CRNKL1: variants seen among roughly 807,000 people sequenced by gnomAD.
CRNKL1 encodes the protein crooked neck-like protein 1.
CRNKL1 carries 35 observed loss-of-function variants against 103.7 expected under a neutral mutation model. The ratio of observed to expected loss-of-function variants is 0.34; its 90% CI spans 0.26 to 0.45. The LOEUF is 0.45. Among genes scored for constraint, CRNKL1 ranks in the 20% least tolerant of loss-of-function variants. CRNKL1 has a pLI of 1.00. For synonymous variants in CRNKL1, 267 were observed against 282.6 expected, an observed-to-expected ratio of 0.94 and a Z score of 0.55; for missense variants, 645 against 836.0, an observed-to-expected ratio of 0.77 and a Z score of 2.82.
chr20:20,049,578 A>G, intron 2 of CRNKL1, 147 bp from the exon 3 acceptor site: 1 of 586,370 alleles, frequency 1.7e-6, no homozygotes, highest in Admixed American at 3.3e-5. Context: ...GAGGAATAAG[A>G]AACCCACTAC....
intron 5 of CRNKL1, among the ~76,000 whole-genome samples, chr20:20,045,916 A>T (rs1428131698): frequency 6.6e-6 from 1 of 152,226 alleles, no homozygotes; most frequent in African/African-American, 2.4e-5. Context: ...GTTTCTAGCC[A>T]AAAGAACATG....
intron 12 of CRNKL1, 107 bp downstream of exon 12, chr20:20,038,242 A>G: frequency 1.5e-6 from 1 of 677,842 alleles, no homozygotes; most frequent in African/African-American, 1.9e-5. Context: ...AGTCATTAAA[A>G]AAAAAAAAAA....
At position 20,036,107 on chromosome 20, in the gene CRNKL1, G is replaced by A. The variant is rs1364077152; in HGVS notation, c.*88C>T. On this transcript the variant is annotated 3_prime_UTR_variant, in exon 14 of 14. Transcript: ENST00000536226. ...AAAGATACCAATCAATTTCTTACTG[G>A]TGAAATATATAAGAACTTCCAGGAG... 1 of 1,313,660 alleles carries A rather than the reference G, an allele frequency of 7.6e-7. No homozygotes were observed. The allele number at this position is 1,313,660 out of a possible 1,614,324, so 81.4% of individuals were successfully genotyped here.
rs1003341769 is a variant in CRNKL1 at position 20,035,138 on chromosome 20, CAA to C, written c.*1055_*1056del. On this transcript the variant is annotated 3_prime_UTR_variant, in exon 14 of 14. Coordinates refer to ENST00000536226, the MANE Select transcript of CRNKL1 (RefSeq NM_001278628.2). ...AGGTGTTTCTACACATGCTCTAAAC[CAA>C]GAGTAAGTTTAACATGTCAGCAGTG... The C allele has an allele frequency of 1.3e-5, 2 of 152,120 alleles. No homozygotes were observed. Among genetic ancestry groups the C allele is most frequent in the African/African-American group, 4.8e-5 (2 of 41,418 alleles). The allele number at this position is 152,120 out of a possible 1,614,324, so 9.4% of individuals were successfully genotyped here.
rs368710245 is a variant in CRNKL1, at chr20:20,042,559, A to C, written c.973-43T>G. The stretch of plus-strand genomic sequence containing the variant: ...TTAATAAATAAAAAACAAAACCAAG[A>C]GCTGCACTTGCCAGGTTAAGCAAGC... On this transcript the variant is annotated intron_variant, in intron 7 of 13. Transcript: ENST00000536226. 15 of 1,554,392 alleles carry C rather than the reference A, an allele frequency of 9.7e-6. No homozygotes were observed. The African/African-American group carries it at 1.4e-4, about 14-fold the overall frequency.
At chr20:20,054,041 A>T (rs1488522002), upstream of CRNKL1, among the ~76,000 whole-genome samples, 22 of 126,324 alleles carry the variant, frequency 1.7e-4, no homozygotes, top group Non-Finnish European at 3.7e-4. Flanking sequence ...TTTTAGGAAA[A>T]ATGTATTATC....
upstream of CRNKL1, among the ~76,000 whole-genome samples, chr20:20,055,639 C>T (rs725464): frequency 0.14 from 21,538 of 152,080 alleles, 1,673 homozygotes; most frequent in East Asian, 0.22. Flanking sequence ...AATTATACTT[C>T]CTTATTTTAT....
upstream of CRNKL1, among the ~76,000 whole-genome samples, chr20:20,052,913 G>A (rs982392153): frequency 2.8e-4 from 26 of 91,616 alleles, no homozygotes; most frequent in African/African-American, 4.0e-4. Flanking sequence ...GGACAGTTGT[G>A]CCCAAATAAT....
chr20:20,052,221 C>T, intron 1 of CRNKL1, 71 bp downstream of exon 1: 4 of 1,353,906 alleles, frequency 3.0e-6, no homozygotes, highest in Middle Eastern at 2.5e-4. Flanking sequence ...TCTCCCAACC[C>T]GGGCACCCTC....
In CRNKL1 at chr20:20,038,410, T is replaced by G. The variant is rs897719363; in HGVS notation, c.1586A>C (p.Glu529Ala). ...AAGGTTTCGTGTTCTTTCTGTTTCT[T>G]CCTGCTCAATTTCAAAATCAATATA... is the stretch of plus-strand genomic sequence containing the variant. ...KSYIDFEIEQ[E>A]ETERTRNLYR... Residue 529 changes from glutamate to alanine, a missense_variant, in exon 12 of 14, where the codon GAA becomes GCA. Physicochemically the swap from Glu to Ala is moderately radical, Grantham distance 107. This residue lies in a region of CRNKL1 where 582 missense variants were observed against 707.7 expected (regional missense o/e 0.82). Transcript: ENST00000536226. 2 of 1,552,516 alleles carry G rather than the reference T, an allele frequency of 1.3e-6. No homozygotes were observed. Among genetic ancestry groups the G allele is most frequent in the African/African-American group, 1.4e-5 (1 of 73,098 alleles).
At position 20,043,643 on chromosome 20, in the gene CRNKL1, A is replaced by T; in HGVS notation, c.821T>A (p.Ile274Asn). ...NQKEFERVRV[I>N]YKYALDRISK... ...AATTCTGTCCAGGGCATACTTGTAAATCACTCGTACCCTTTCAAACTAAAT... is the reference window on the plus strand; with the variant it reads ...AATTCTGTCCAGGGCATACTTGTAATTCACTCGTACCCTTTCAAACTAAAT... The change falls in exon 7 of 14, where the codon ATT becomes AAT. Residue 274 changes from isoleucine (I) to asparagine (N), a missense_variant. Transcript: ENST00000536226. 2.5e-6 allele frequency: 4 copies of T among 1,613,928 alleles called. No individual in the cohort carries two copies. Among genetic ancestry groups the T allele is most frequent in the Non-Finnish European group, 3.4e-6 (4 of 1,179,850 alleles).
chr20:20,045,550 A>G (rs1254111782), intron 5 of CRNKL1, 64 bp from the exon 6 acceptor site: 2 of 1,422,836 alleles, frequency 1.4e-6, no homozygotes, highest in East Asian at 4.6e-5. Flanking sequence ...TAAGTAAGTA[A>G]ACACCAAAAC....
At chr20:20,036,451 T>C (rs1322312147) in intron 13 of CRNKL1, 89 bp from the exon 14 acceptor site, 2 of 1,200,340 alleles carry the variant, frequency 1.7e-6, no homozygotes, top group East Asian at 2.5e-5. Flanking sequence ...ATCCGGATGA[T>C]TACCTCCATT....
chr20:20,054,000 G>GT (rs772688050), upstream of CRNKL1, among the ~76,000 whole-genome samples: 20 of 99,446 alleles, frequency 2.0e-4, no homozygotes, highest in Middle Eastern at 6.8e-3. Context: ...CTCTGTGTGT[G>GT]TTTTTTTTGT....
In CRNKL1 at chr20:20,047,953, A is replaced by G. The variant is rs552025280; in HGVS notation, c.456-22T>C. The G allele has an allele frequency of 1.1e-5, 18 of 1,605,530 alleles. No individual in the cohort carries two copies. In the South Asian group the frequency reaches 1.5e-4, roughly 14 times the overall value. On this transcript the variant is annotated intron_variant, in intron 4 of 13. Coordinates refer to ENST00000536226, the MANE Select transcript of CRNKL1 (RefSeq NM_001278628.2). Reference sequence around the variant, plus strand: ...GTACCTGTAACAAAATCACCCGAAAATATCTGCTGTGGTTTAGTTCTTCCA... The same window carrying G: ...GTACCTGTAACAAAATCACCCGAAAGTATCTGCTGTGGTTTAGTTCTTCCA...
In CRNKL1 at chr20:20,037,491, T is replaced by C; in HGVS notation, c.1728A>G (p.Glu576=). The C allele has an allele frequency of 6.2e-7, 1 of 1,614,238 alleles. No homozygotes were observed. Among genetic ancestry groups the C allele is most frequent in the Non-Finnish European group, 8.5e-7 (1 of 1,180,044 alleles). The change falls in exon 13 of 14, where the codon GAA becomes GAG. Residue 576 remains glutamate (E), a synonymous_variant. Coordinates refer to ENST00000536226, the MANE Select transcript of CRNKL1 (RefSeq NM_001278628.2). ...CACAGTTTCGCATGGTTTTGTTAGC[T>C]TCTTCATAAATTTGTCTGCATTTAG... ...SLTKCRQIYE[E]ANKTMRNCEE... is the part of the protein sequence containing the mutation.
chr20:20,050,705 T>C, intron 1 of CRNKL1, 83 bp from the exon 2 acceptor site: 2 of 1,301,576 alleles, frequency 1.5e-6, no homozygotes, highest in East Asian at 2.4e-5. Flanking sequence ...TTTTAGGATA[T>C]GAACTTTGTT....
At chr20:20,052,867 AG>A, upstream of CRNKL1, 1 of 743,812 alleles carries the variant, frequency 1.3e-6, no homozygotes, top group East Asian at 2.7e-5. Flanking sequence ...GCATTCTAGT[AG>A]TCTCTGGGTC....
chr20:20,050,477 T>C lies in CRNKL1; in HGVS notation c.197A>G (p.Lys66Arg). ...GATACCACACTGACTGACCTTCCTT[T>C]TCCTTAGTTTATAATCATTTAATTC... ...EEELNDYKLR[K>R]RKTFEDNIRK... Residue 66 changes from lysine (K) to arginine (R), a missense_variant, in exon 2 of 14, where the codon AAA becomes AGA. Physicochemically the swap from Lys to Arg is conservative, Grantham distance 26. Transcript: ENST00000536226. 6.2e-7 allele frequency: 1 copy of C among 1,613,160 alleles called. No homozygotes were observed.
Sources: allele counts gnomAD v4.1 joint callset (sites outside exome capture counted in the v4.1 genomes callset), GRCh38; gene constraint gnomAD v4.1.1; regional missense constraint gnomAD v4.1.1; transcripts MANE v1.5; gene names NCBI Gene and HGNC (gene_info 2026-07-23, HGNC 2026-07-21).